The following SYNDIG1 variants were observed in gnomAD, a reference collection of about 807,000 sequenced individuals.
The protein encoded by SYNDIG1 is synapse differentiation inducing 1, also known as synapse differentiation-inducing gene protein 1.
Under a neutral mutation model 19.4 loss-of-function variants are expected in SYNDIG1, and 9 were observed. The ratio of observed to expected loss-of-function variants is 0.46; its 90% confidence interval spans 0.28 to 0.81. The LOEUF (loss-of-function observed/expected upper bound fraction) is 0.81, where lower values mean the gene tolerates loss of function less well. SYNDIG1 is among the 30% of genes least tolerant of loss of function. The pLI is 0.12. For missense variants in SYNDIG1, 311 were observed against 343.3 expected (o/e 0.91, Z 0.74); for synonymous variants, 141 against 145.9 (o/e 0.97, Z 0.24).
chr20:24,615,960 C>T (rs1361243455), intron 3 of SYNDIG1, among the ~76,000 whole-genome samples: 1 of 152,080 alleles, frequency 6.6e-6, no homozygotes, highest in Non-Finnish European at 1.5e-5. Context: ...TGAAATTTAG[C>T]ACTTCCTCCA....
chr20:24,584,229 C>T (rs926033106), intron 2 of SYNDIG1, among the ~76,000 whole-genome samples: 3 of 152,118 alleles, frequency 2.0e-5, no homozygotes, highest in African/African-American at 7.2e-5. Context: ...CCCTCGTGCT[C>T]CAGGTGGAAA....
At chr20:24,602,670 T>C (rs2058696477) in intron 3 of SYNDIG1, among the ~76,000 whole-genome samples, 1 of 152,224 alleles carries the variant, frequency 6.6e-6, no homozygotes, top group Non-Finnish European at 1.5e-5. Flanking sequence ...TCCCTGGCCT[T>C]GGCCTGATAA....
intron 2 of SYNDIG1, among the ~76,000 whole-genome samples, chr20:24,546,099 C>T (rs973332578): frequency 2.0e-5 from 3 of 152,190 alleles, no homozygotes; most frequent in African/African-American, 4.8e-5. Flanking sequence ...AGGAGGATTT[C>T]AGAGCCTCAC....
At chr20:24,569,481 C>T (rs758933413) in intron 2 of SYNDIG1, among the ~76,000 whole-genome samples, 25 of 152,146 alleles carry the variant, frequency 1.6e-4, no homozygotes, top group Admixed American at 2.6e-4. Context: ...GAGTGAGCCC[C>T]GGGGTAGCCC....
intron 3 of SYNDIG1, among the ~76,000 whole-genome samples, chr20:24,612,625 A>C (rs1225897571): frequency 6.6e-6 from 1 of 152,258 alleles, no homozygotes; most frequent in African/African-American, 2.4e-5. Context: ...AGTCAACCTT[A>C]GATATGTTTC....
intron 3 of SYNDIG1, among the ~76,000 whole-genome samples, chr20:24,615,186 A>C (rs2058911376): frequency 6.6e-6 from 1 of 152,212 alleles, no homozygotes; most frequent in African/African-American, 2.4e-5. Flanking sequence ...TGTCCACCCT[A>C]ATAGCCTGCC....
intron 2 of SYNDIG1, among the ~76,000 whole-genome samples, chr20:24,582,349 CT>C (rs1182173568): frequency 7.4e-6 from 1 of 135,136 alleles, no homozygotes; most frequent in Admixed American, 7.2e-5. Context: ...GGCCTCCCCC[CT>C]GCATGGCCTT....
intron 1 of SYNDIG1, among the ~76,000 whole-genome samples, chr20:24,489,654 C>T (rs1458469275): frequency 2.0e-5 from 3 of 152,206 alleles, no homozygotes; most frequent in East Asian, 3.9e-4. Context: ...ACATTCACCA[C>T]ACACACTTAT....
At chr20:24,589,786 A>T (rs1336046759) in intron 3 of SYNDIG1, among the ~76,000 whole-genome samples, 1 of 152,254 alleles carries the variant, frequency 6.6e-6, no homozygotes, top group East Asian at 1.9e-4. Flanking sequence ...GCAGATTATG[A>T]ATTTTATGAA....
intron 1 of SYNDIG1, among the ~76,000 whole-genome samples, chr20:24,529,505 T>C (rs2057197774): frequency 6.6e-6 from 1 of 152,198 alleles, no homozygotes; most frequent in Non-Finnish European, 1.5e-5. Flanking sequence ...GAAGAAGCCA[T>C]AGACATATGT....
intron 1 of SYNDIG1, among the ~76,000 whole-genome samples, chr20:24,513,643 G>T (rs192076727): frequency 6.6e-6 from 1 of 152,172 alleles, no homozygotes; most frequent in African/African-American, 2.4e-5. Flanking sequence ...CCAAATCTAC[G>T]TCTTATTGGT....
intron 1 of SYNDIG1, among the ~76,000 whole-genome samples, chr20:24,514,543 G>A (rs185760729): frequency 2.6e-4 from 39 of 152,270 alleles, no homozygotes; most frequent in Admixed American, 7.8e-4. Context: ...ATTACATAAT[G>A]GTAAAGGGAT....
chr20:24,645,421 C>T (rs946171390), intron 3 of SYNDIG1, among the ~76,000 whole-genome samples: 8 of 152,186 alleles, frequency 5.3e-5, no homozygotes, highest in African/African-American at 1.4e-4. Context: ...CCCACGCTGC[C>T]GGATAGGATG....
chr20:24,520,423 C>T (rs571554892), intron 1 of SYNDIG1, among the ~76,000 whole-genome samples: 17 of 152,104 alleles, frequency 1.1e-4, no homozygotes, highest in African/African-American at 3.9e-4. Flanking sequence ...AGGCCAGGTG[C>T]GGTGGCTCAC....
chr20:24,570,555 T>C (rs923274566), intron 2 of SYNDIG1, among the ~76,000 whole-genome samples: 2 of 152,214 alleles, frequency 1.3e-5, no homozygotes, highest in Admixed American at 1.3e-4. Flanking sequence ...AAGAAAGATA[T>C]TTGACATCAT....
Position 24,666,042 on chromosome 20 carries a change from C to T in SYNDIG1, c.*538C>T, listed in dbSNP as rs2059644365. 6.5e-6 allele frequency: 1 copy of T among 154,552 alleles called. No individual in the cohort carries two copies. Among genetic ancestry groups the T allele is most frequent in the Non-Finnish European group, 1.4e-5 (1 of 69,794 alleles). 9.6% of individuals were successfully genotyped at this position (154,552 alleles called of 1,614,324 possible). On this transcript the variant is annotated 3_prime_UTR_variant, in exon 4 of 4. Coordinates refer to ENST00000376862, the MANE Select transcript of SYNDIG1 (RefSeq NM_024893.3). ...CTGGCAGGAGCCCCGCTGCACTGCT[C>T]TGCAGACCCATTGGCCTGACCCTGA...
chr20:24,549,084 T>C (rs1346293818), intron 2 of SYNDIG1, among the ~76,000 whole-genome samples: 2 of 152,136 alleles, frequency 1.3e-5, no homozygotes, highest in Admixed American at 6.5e-5. Context: ...TTCAATAACC[T>C]CCTCTTAGCT....
intron 2 of SYNDIG1, among the ~76,000 whole-genome samples, chr20:24,547,609 C>G (rs1451159149): frequency 6.6e-6 from 1 of 152,118 alleles, no homozygotes; most frequent in African/African-American, 2.4e-5. Context: ...GGGGTGCCCT[C>G]AGGGCATCCT....
At chr20:24,655,362 AGG>A (rs1280584103) in intron 3 of SYNDIG1, among the ~76,000 whole-genome samples, 1 of 152,228 alleles carries the variant, frequency 6.6e-6, no homozygotes, top group Non-Finnish European at 1.5e-5. Flanking sequence ...TGACCATATT[AGG>A]GGATGAAGGA....
Sources: gnomAD v4.1 joint callset for allele counts (sites outside exome capture counted in the v4.1 genomes callset) on GRCh38, gnomAD v4.1.1 for gene constraint, MANE v1.5 for transcripts, NCBI Gene and HGNC (gene_info 2026-07-23, HGNC 2026-07-21) for gene names.